COX16: variants seen among roughly 807,000 people sequenced by gnomAD.
COX16 encodes cytochrome c oxidase assembly factor COX16, also known as cytochrome c oxidase assembly protein COX16 homolog, mitochondrial.
COX16 carries 12 observed loss-of-function variants against 15.4 expected under a neutral mutation model. The observed-to-expected ratio is 0.78, with a 90% CI of 0.50 to 1.26. The LOEUF (loss-of-function observed/expected upper bound fraction) is 1.26. Among genes scored for constraint, COX16 ranks in the 50% most tolerant of loss-of-function variants. The probability of loss-of-function intolerance (pLI) is 0.00; values close to 1 mark genes in which losing one functional copy is unlikely to be tolerated. For missense variants in COX16, 124 were observed against 127.6 expected (o/e 0.97, Z 0.14); for synonymous variants, 46 against 41.1 (o/e 1.12, Z -0.46).
chr14:70,329,158 T>C lies in COX16; in HGVS notation c.204+16A>G, dbSNP rs1886194749. On this transcript the variant is annotated intron_variant, in intron 3 of 3. Coordinates refer to ENST00000389912, the MANE Select transcript of COX16 (RefSeq NM_016468.7). ...ACTGATTGTTATAAGACAGAGACTATATTAACATACCGTACCTCATATTCC... is the reference window on the plus strand; with the variant it reads ...ACTGATTGTTATAAGACAGAGACTACATTAACATACCGTACCTCATATTCC... The C allele has an allele frequency of 1.9e-6, 3 of 1,601,790 alleles. No homozygotes were observed. The highest frequency in any genetic ancestry group is 1.7e-5 in the Admixed American group (1 of 57,944).
Position 70,326,387 on chromosome 14 carries a change from A to C in COX16, c.267T>G (p.Asp89Glu). 1 of 1,599,740 alleles carries C rather than the reference A, an allele frequency of 6.3e-7. No homozygotes were observed. Residue 89 changes from aspartate (D) to glutamate (E), a missense_variant, in exon 4 of 4, where the codon GAT becomes GAG. By Grantham distance (45) the Asp-to-Glu change is conservative. Coordinates refer to ENST00000389912, the MANE Select transcript of COX16 (RefSeq NM_016468.7). ...GATTTCTTCCTTGGAGGAGGTCAGG[A>C]TCTTCCCAAGGCCTGGGTCCTCGAA... ...KNIRGPRPWE[D>E]PDLLQGRNPE... is the part of the protein sequence containing the mutation.
chr14:70,336,920 G>A (rs1886473588), intron 2 of COX16, among the ~76,000 whole-genome samples: 2 of 152,152 alleles, frequency 1.3e-5, no homozygotes, highest in South Asian at 4.1e-4. Context: ...ACCAAAAAAT[G>A]CTATTACTGC....
chr14:70,346,532 C>G (rs1886787803), intron 1 of COX16, among the ~76,000 whole-genome samples: 1 of 152,230 alleles, frequency 6.6e-6, no homozygotes, highest in Non-Finnish European at 1.5e-5. Flanking sequence ...GCGGCCCCAT[C>G]ACTTCCTAAG....
rs893650660 is a variant in COX16, at chr14:70,347,949, C to T, written c.70-5220G>A. ...CCATGAGCCTTCAAACCCTGCATAG[C>T]CTATTACCCAACCTTTCCATCTACT... On this transcript the variant is annotated intron_variant, in intron 1 of 3. Coordinates refer to ENST00000389912, the MANE Select transcript of COX16 (RefSeq NM_016468.7). Among the ~76,000 whole-genome samples the T allele has an allele frequency of 2.5e-4, 38 of 152,232 alleles. 1 individual carries two copies. Among genetic ancestry groups the T allele is most frequent in the Admixed American group, 1.6e-3 (25 of 15,302 alleles).
intron 2 of COX16, among the ~76,000 whole-genome samples, chr14:70,329,820 G>A (rs746866271): frequency 5.4e-5 from 8 of 148,818 alleles, no homozygotes; most frequent in Non-Finnish European, 1.0e-4. Context: ...TCAGGAAAAA[G>A]AGTATGATGG....
At chr14:70,327,171 A>G (rs1886107413) in intron 3 of COX16, among the ~76,000 whole-genome samples, 1 of 152,222 alleles carries the variant, frequency 6.6e-6, no homozygotes, top group East Asian at 1.9e-4. Flanking sequence ...AAAAGCTGTG[A>G]AAACATAGGA....
intron 2 of COX16, among the ~76,000 whole-genome samples, chr14:70,335,913 G>T (rs1886438777): frequency 6.6e-6 from 1 of 152,038 alleles, no homozygotes; most frequent in Non-Finnish European, 1.5e-5. Flanking sequence ...TTAATCAAAG[G>T]TTTTGGGATG....
At chr14:70,349,578 G>T (rs1031704260) in intron 1 of COX16, among the ~76,000 whole-genome samples, 10 of 152,122 alleles carry the variant, frequency 6.6e-5, no homozygotes, top group African/African-American at 2.4e-4. Context: ...TTCAGGCAAA[G>T]TTGAAAAAAT....
intron 2 of COX16, among the ~76,000 whole-genome samples, chr14:70,332,873 T>C (rs1435443011): frequency 6.6e-6 from 1 of 152,218 alleles, no homozygotes; most frequent in African/African-American, 2.4e-5. Flanking sequence ...GAGACAGTCT[T>C]CTGGACTCAA....
At position 70,357,158 on chromosome 14, in the gene COX16, C is replaced by CCAA. The variant is rs1230639115; in HGVS notation, c.69+2360_69+2361insTTG. Among the ~76,000 whole-genome samples, 27 of 78,706 alleles carry CCAA rather than the reference C, an allele frequency of 3.4e-4. 3 individuals are homozygous for CCAA. Among genetic ancestry groups the CCAA allele is most frequent in the African/African-American group, 1.1e-3 (22 of 20,710 alleles). 51.6% of individuals were successfully genotyped at this position (78,706 alleles called of 152,430 possible). The stretch of plus-strand genomic sequence containing the variant: ...CAGACTTCTCCTAGGAAGCGTTTGT[C>CCAA]AAAAAAAAAAAAAAAAAAAAAAAAA... On this transcript the variant is annotated intron_variant, in intron 1 of 3. Transcript: ENST00000389912.
At chr14:70,341,149 A>G (rs1272464057) in intron 2 of COX16, among the ~76,000 whole-genome samples, 2 of 152,198 alleles carry the variant, frequency 1.3e-5, no homozygotes, top group Admixed American at 1.3e-4. Flanking sequence ...AAAGAAAAAA[A>G]TTCCTTGATA....
At chr14:70,357,164 A>C (rs1304187788) in intron 1 of COX16, among the ~76,000 whole-genome samples, 1,482 of 137,570 alleles carry the variant, frequency 0.011, 63 homozygotes, top group East Asian at 0.036. Context: ...TTGTCAAAAA[A>C]AAAAAAAAAA....
rs1191028856 is a variant in COX16 at position 70,358,329 on chromosome 14, G to GTATACTAATATACA, written c.69+1189_69+1190insTGTATATTAGTATA. The stretch of plus-strand genomic sequence containing the variant: ...CATAACTAAGAATATACTAATATAC[G>GTATACTAATATACA]AATATATTAGTATACTAATATCGAA... On this transcript the variant is annotated intron_variant, in intron 1 of 3. Coordinates refer to ENST00000389912, the MANE Select transcript of COX16 (RefSeq NM_016468.7). Among the ~76,000 whole-genome samples, 731 of 149,162 alleles carry GTATACTAATATACA rather than the reference G, an allele frequency of 4.9e-3. 7 individuals carry two copies. Among genetic ancestry groups the GTATACTAATATACA allele is most frequent in the South Asian group, 8.4e-3 (40 of 4,756 alleles).
At position 70,356,095 on chromosome 14, in the gene COX16, T is replaced by C. The variant is rs1044124281; in HGVS notation, c.69+3424A>G. 2.6e-5 allele frequency among the ~76,000 whole-genome samples: 4 copies of C among 151,952 alleles called. No individual in the cohort carries two copies. The South Asian group carries it at 6.3e-4, about 24-fold the overall frequency. ...AGAACCATGAGCCAAAAGAAAATTCTTTCCTTTATAAATTACCCAGCCTCT... is the reference window on the plus strand; with the variant it reads ...AGAACCATGAGCCAAAAGAAAATTCCTTCCTTTATAAATTACCCAGCCTCT... On this transcript the variant is annotated intron_variant, in intron 1 of 3. Coordinates refer to ENST00000389912, the MANE Select transcript of COX16 (RefSeq NM_016468.7).
intron 1 of COX16, among the ~76,000 whole-genome samples, chr14:70,354,409 C>A (rs1343492578): frequency 6.6e-6 from 1 of 152,164 alleles, no homozygotes; most frequent in African/African-American, 2.4e-5. Context: ...TGATATCAAC[C>A]CAACCTCCAA....
intron 2 of COX16, among the ~76,000 whole-genome samples, chr14:70,338,548 A>G (rs1886527959): frequency 6.6e-6 from 1 of 152,250 alleles, no homozygotes; most frequent in Non-Finnish European, 1.5e-5. Flanking sequence ...TTAACAGTAT[A>G]CATAGGAGGT....
chr14:70,350,965 G>A (rs930061558), intron 1 of COX16, among the ~76,000 whole-genome samples: 7 of 152,152 alleles, frequency 4.6e-5, no homozygotes, highest in Admixed American at 3.3e-4. Flanking sequence ...GCCTAACTGT[G>A]GAATTTACAC....
intron 1 of COX16, among the ~76,000 whole-genome samples, chr14:70,354,610 G>A (rs1013362345): frequency 2.0e-5 from 3 of 152,320 alleles, no homozygotes. Context: ...GAACACAGAA[G>A]CTCTGCATGC....
intron 1 of COX16, among the ~76,000 whole-genome samples, chr14:70,353,636 C>T: frequency 6.6e-6 from 1 of 151,776 alleles, no homozygotes; most frequent in East Asian, 1.9e-4. Flanking sequence ...GTCTCAGTCT[C>T]CTGAGTAGCT....
Sources: allele counts gnomAD v4.1 joint callset (sites outside exome capture counted in the v4.1 genomes callset), GRCh38; gene constraint gnomAD v4.1.1; transcripts MANE v1.5; gene names NCBI Gene and HGNC (gene_info 2026-07-23, HGNC 2026-07-21).